The following DPP10 variants were observed in gnomAD, a reference collection of about 807,000 sequenced individuals.
The protein encoded by DPP10 is dipeptidyl peptidase like 10.
Under a neutral mutation model 120.9 loss-of-function variants are expected in DPP10, and 33 were observed. That is an observed-to-expected ratio of 0.27 (90% CI 0.21 to 0.37). DPP10 has a LOEUF of 0.37. DPP10 is among the 10% of genes least tolerant of loss of function. The pLI, the probability that DPP10 is intolerant of heterozygous loss-of-function variation, is 1.00. For missense variants in DPP10, 816 were observed against 942.8 expected, an observed-to-expected ratio of 0.87 and a Z score of 1.76; for synonymous variants, 337 against 326.1, an observed-to-expected ratio of 1.03 and a Z score of -0.36.
intron 1 of DPP10, among the ~76,000 whole-genome samples, chr2:114,966,292 C>A (rs1007941996): frequency 6.6e-6 from 1 of 152,044 alleles, no homozygotes; most frequent in African/African-American, 2.4e-5. Flanking sequence ...GGAGGTGGGG[C>A]CTAGAGGGAG....
intron 1 of DPP10, among the ~76,000 whole-genome samples, chr2:115,251,717 T>C (rs1054300964): frequency 6.6e-6 from 1 of 152,226 alleles, no homozygotes; most frequent in African/African-American, 2.4e-5. Context: ...TAATGATTTA[T>C]TGAATCTGAA....
At chr2:114,462,618 A>G (rs1679023251) in intron 1 of DPP10, among the ~76,000 whole-genome samples, 1 of 152,192 alleles carries the variant, frequency 6.6e-6, no homozygotes, top group African/African-American at 2.4e-5. Context: ...GGTCTATGCT[A>G]TCAACGTGAC....
rs573447239 is a variant in DPP10 at position 115,672,435 on chromosome 2, T to C, written c.442-17252T>C. The stretch of plus-strand genomic sequence containing the variant: ...AGTTAGAACATAACTGTAAAAAATA[T>C]TGAAAATGAAGGACAAGGGCAAGAA... On this transcript the variant is annotated intron_variant, in intron 5 of 25. Transcript: ENST00000410059. Among the ~76,000 whole-genome samples the C allele has an allele frequency of 5.3e-5, 8 of 152,228 alleles. 1 individual carries two copies. In the South Asian group the frequency reaches 1.7e-3, roughly 32 times the overall value.
intron 1 of DPP10, among the ~76,000 whole-genome samples, chr2:114,846,458 G>A (rs1447686381): frequency 6.6e-6 from 1 of 152,116 alleles, no homozygotes; most frequent in Non-Finnish European, 1.5e-5. Context: ...GTCTATGGCA[G>A]AATAATTTGC....
chr2:115,173,068 A>G (rs2053467160), intron 1 of DPP10, among the ~76,000 whole-genome samples: 2 of 152,186 alleles, frequency 1.3e-5, no homozygotes, highest in Admixed American at 6.5e-5. Context: ...AAAACTGAAT[A>G]TGCATTTACT....
intron 7 of DPP10, among the ~76,000 whole-genome samples, chr2:115,695,034 C>T (rs986807111): frequency 1.3e-5 from 2 of 152,174 alleles, no homozygotes; most frequent in Admixed American, 6.5e-5. Flanking sequence ...CCTCTCCCTC[C>T]AGCTGAAGTG....
chr2:114,725,400 C>G (rs574586551), intron 1 of DPP10, among the ~76,000 whole-genome samples: 29 of 152,218 alleles, frequency 1.9e-4, no homozygotes, highest in Non-Finnish European at 4.1e-4. Context: ...GTCTTCTGCT[C>G]AAATCAGTAG....
intron 5 of DPP10, among the ~76,000 whole-genome samples, chr2:115,603,810 G>A (rs923438933): frequency 6.6e-6 from 1 of 152,074 alleles, no homozygotes; most frequent in African/African-American, 2.4e-5. Context: ...TATTCTGTAA[G>A]ATAAAATATT....
intron 7 of DPP10, among the ~76,000 whole-genome samples, chr2:115,707,451 C>A (rs1418147248): frequency 2.0e-5 from 3 of 149,566 alleles, no homozygotes; most frequent in African/African-American, 7.5e-5. Flanking sequence ...CACACACACA[C>A]ACACACACAC....
chr2:115,496,524 G>C (rs17362720), intron 3 of DPP10, among the ~76,000 whole-genome samples: 1 of 151,838 alleles, frequency 6.6e-6, no homozygotes, highest in Admixed American at 6.6e-5. Context: ...ATTTTCTTTC[G>C]ATCACCCCTA....
At chr2:114,696,955 T>G (rs1436136859) in intron 1 of DPP10, among the ~76,000 whole-genome samples, 3 of 152,076 alleles carry the variant, frequency 2.0e-5, no homozygotes, top group African/African-American at 7.2e-5. Flanking sequence ...CTCATAGGAT[T>G]TGAAGGATCA....
rs1409116514 is a variant in DPP10 at position 115,372,289 on chromosome 2, A to G, written c.271+28377A>G. The stretch of plus-strand genomic sequence containing the variant: ...ACATCTTTTGGGTTTAAAGATATGA[A>G]CAAGTGATTTCTGGTGATTTTTTTC... On this transcript the variant is annotated intron_variant, in intron 3 of 25. Transcript: ENST00000410059. 2.6e-5 allele frequency among the ~76,000 whole-genome samples: 4 copies of G among 152,168 alleles called. 1 individual carries two copies. Among genetic ancestry groups the G allele is most frequent in the South Asian group, 4.1e-4 (2 of 4,834 alleles).
At chr2:115,088,211 C>G (rs754590635) in intron 1 of DPP10, among the ~76,000 whole-genome samples, 1 of 152,122 alleles carries the variant, frequency 6.6e-6, no homozygotes, top group Non-Finnish European at 1.5e-5. Context: ...CTCCTAACAC[C>G]ATCACCTTGG....
chr2:115,020,852 C>A (rs1271442924), intron 1 of DPP10, among the ~76,000 whole-genome samples: 3 of 152,118 alleles, frequency 2.0e-5, no homozygotes, highest in Admixed American at 6.6e-5. Flanking sequence ...AATTGGAAAT[C>A]AACTCCAGAA....
At chr2:114,963,407 T>C (rs1698789396) in intron 1 of DPP10, among the ~76,000 whole-genome samples, 1 of 152,122 alleles carries the variant, frequency 6.6e-6, no homozygotes, top group Non-Finnish European at 1.5e-5. Context: ...TAATTTGCTG[T>C]GAGAAGAATG....
chr2:114,546,631 C>G (rs1458326075), intron 1 of DPP10, among the ~76,000 whole-genome samples: 1 of 152,154 alleles, frequency 6.6e-6, no homozygotes, highest in East Asian at 1.9e-4. Context: ...AACAGTCAAG[C>G]CATACTACTC....
chr2:114,542,405 T>G (rs1316209057), intron 1 of DPP10, among the ~76,000 whole-genome samples: 1 of 152,148 alleles, frequency 6.6e-6, no homozygotes, highest in Non-Finnish European at 1.5e-5. Flanking sequence ...GGCATACCAG[T>G]TCTCCCCACA....
intron 1 of DPP10, among the ~76,000 whole-genome samples, chr2:114,646,021 GTGGT>G (rs1696095981): frequency 6.6e-6 from 1 of 151,932 alleles, no homozygotes; most frequent in Non-Finnish European, 1.5e-5. Context: ...CTAGCTGGGC[GTGGT>G]GGCATGCACC....
intron 1 of DPP10, among the ~76,000 whole-genome samples, chr2:114,445,250 G>T (rs1022534874): frequency 2.6e-5 from 4 of 152,092 alleles, no homozygotes; most frequent in African/African-American, 9.7e-5. Flanking sequence ...CATGGAATCT[G>T]GTTGGCCTGC....
Sources: gnomAD v4.1 joint callset for allele counts (sites outside exome capture counted in the v4.1 genomes callset) on GRCh38, gnomAD v4.1.1 for gene constraint, MANE v1.5 for transcripts, NCBI Gene and HGNC (gene_info 2026-07-23, HGNC 2026-07-21) for gene names.